Variants in LIN7A observed in about 807,000 individuals in gnomAD.
The protein encoded by LIN7A is protein lin-7 homolog A.
Under a neutral mutation model 29.8 loss-of-function variants are expected in LIN7A, and 25 were observed. That is an observed-to-expected ratio of 0.84 (90% CI 0.61 to 1.17). The LOEUF is 1.17. Ranked by LOEUF, LIN7A falls within the 50% of genes most tolerant of loss-of-function variation. The probability of loss-of-function intolerance (pLI) is 0.00; values close to 1 mark genes in which losing one functional copy is unlikely to be tolerated. For missense variants in LIN7A, 239 were observed against 287.0 expected (o/e 0.83, Z 1.21); for synonymous variants, 118 against 107.5 (o/e 1.10, Z -0.60).
chr12:80,796,662 A>C lies in LIN7A; in HGVS notation c.*1065T>G, dbSNP rs1341953285. 1 of 152,142 alleles carries C rather than the reference A, an allele frequency of 6.6e-6. No individual in the cohort carries two copies. The highest frequency in any genetic ancestry group is 1.5e-5 in the Non-Finnish European group (1 of 68,000). The allele number at this position is 152,142 out of a possible 1,614,324, so 9.4% of individuals were successfully genotyped here. ...AAAAATATCTGGTTTATATTTGGGGAAATTGACCTAAACTTTGTGTGACAC... is the reference window on the plus strand; with the variant it reads ...AAAAATATCTGGTTTATATTTGGGGCAATTGACCTAAACTTTGTGTGACAC... On this transcript the variant is annotated 3_prime_UTR_variant, in exon 6 of 6. Transcript: ENST00000552864.
chr12:80,817,616 A>T (rs577262681), intron 4 of LIN7A, among the ~76,000 whole-genome samples: 2 of 152,194 alleles, frequency 1.3e-5, no homozygotes, highest in Non-Finnish European at 2.9e-5. Flanking sequence ...AGTAAAGGAC[A>T]TCAAGGGTAT....
chr12:80,813,213 A>C (rs548399327), intron 4 of LIN7A, among the ~76,000 whole-genome samples: 2 of 152,142 alleles, frequency 1.3e-5, no homozygotes, highest in African/African-American at 4.8e-5. Context: ...GGGTTTCACC[A>C]TGTTAGCCAG....
At chr12:80,895,219 T>A (rs1414242970) in intron 1 of LIN7A, among the ~76,000 whole-genome samples, 1 of 152,198 alleles carries the variant, frequency 6.6e-6, no homozygotes, top group African/African-American at 2.4e-5. Context: ...TGCCTGATAG[T>A]AAAGTGCCAC....
chr12:80,899,081 G>C (rs1239832897), intron 1 of LIN7A, among the ~76,000 whole-genome samples: 2 of 152,088 alleles, frequency 1.3e-5, no homozygotes, highest in Non-Finnish European at 2.9e-5. Context: ...AATGCTTCCA[G>C]CTTTTTCCCA....
intron 4 of LIN7A, among the ~76,000 whole-genome samples, chr12:80,826,445 C>T (rs1449046870): frequency 2.0e-5 from 3 of 152,124 alleles, no homozygotes; most frequent in African/African-American, 7.2e-5. Context: ...CTCATCCTCT[C>T]CTCCCTCTTA....
At chr12:80,905,136 AT>A (rs1372616068) in intron 1 of LIN7A, among the ~76,000 whole-genome samples, 7 of 151,678 alleles carry the variant, frequency 4.6e-5, no homozygotes, top group Non-Finnish European at 8.8e-5. Context: ...CTACCATTTA[AT>A]TTTGATATCT....
intron 2 of LIN7A, among the ~76,000 whole-genome samples, chr12:80,865,684 A>G (rs1360765850): frequency 6.6e-6 from 1 of 152,226 alleles, no homozygotes. Context: ...GTGAGAAAGG[A>G]CAGGCAGCTT....
At chr12:80,876,418 C>T (rs1874705361) in intron 2 of LIN7A, among the ~76,000 whole-genome samples, 1 of 151,906 alleles carries the variant, frequency 6.6e-6, no homozygotes, top group Non-Finnish European at 1.5e-5. Context: ...ATATTTTAAA[C>T]AAGAGCAATG....
At position 80,937,879 on chromosome 12, in the gene LIN7A, C is replaced by A; in HGVS notation, c.-157G>T. The A allele has an allele frequency of 2.0e-6, 1 of 498,516 alleles. No homozygotes were observed. The highest frequency in any genetic ancestry group is 3.8e-5 in the South Asian group (1 of 26,488). 30.9% of individuals were successfully genotyped at this position (498,516 alleles called of 1,614,324 possible). On this transcript the variant is annotated 5_prime_UTR_variant, in exon 1 of 6. Transcript: ENST00000552864. Reference sequence around the variant, plus strand: ...TAGCCAGATGGAGACGCAACTGTTCCGCGGCGGCAGATCTTCAGTTGCGGT... The same window carrying A: ...TAGCCAGATGGAGACGCAACTGTTCAGCGGCGGCAGATCTTCAGTTGCGGT...
intron 1 of LIN7A, among the ~76,000 whole-genome samples, chr12:80,896,547 A>G (rs2120698093): frequency 6.6e-6 from 1 of 152,324 alleles, no homozygotes; most frequent in Non-Finnish European, 1.5e-5. Flanking sequence ...GATGTGTCCT[A>G]CTCATCTGAC....
At chr12:80,799,729 CAA>C (rs1294116584) in intron 5 of LIN7A, among the ~76,000 whole-genome samples, 1 of 151,732 alleles carries the variant, frequency 6.6e-6, no homozygotes, top group Admixed American at 6.6e-5. Context: ...CAGAAGAAAA[CAA>C]ATAATAAACA....
chr12:80,907,663 G>A (rs549818021), intron 1 of LIN7A, among the ~76,000 whole-genome samples: 123 of 152,174 alleles, frequency 8.1e-4, no homozygotes, highest in African/African-American at 2.9e-3. Context: ...ACAAAAAAAG[G>A]CTATGGAAAA....
chr12:80,855,817 T>C (rs1225724721), intron 2 of LIN7A, among the ~76,000 whole-genome samples: 6 of 152,178 alleles, frequency 3.9e-5, no homozygotes, highest in Non-Finnish European at 8.8e-5. Context: ...TTTGGTCTGC[T>C]TGTTTTAGGA....
intron 2 of LIN7A, among the ~76,000 whole-genome samples, chr12:80,851,870 C>T (rs1248447333): frequency 6.6e-6 from 1 of 152,090 alleles, no homozygotes; most frequent in South Asian, 2.1e-4. Context: ...ATTTCCTAAC[C>T]TTGAATAAAT....
intron 3 of LIN7A, among the ~76,000 whole-genome samples, chr12:80,846,276 C>G (rs1298930398): frequency 6.6e-6 from 1 of 152,126 alleles, no homozygotes; most frequent in Non-Finnish European, 1.5e-5. Flanking sequence ...GTACTATCTA[C>G]TATTATAATT....
intron 4 of LIN7A, among the ~76,000 whole-genome samples, chr12:80,815,771 G>A (rs1167785535): frequency 6.6e-6 from 1 of 152,078 alleles, no homozygotes; most frequent in Non-Finnish European, 1.5e-5. Flanking sequence ...TTATCCCCTT[G>A]CTTTAAGAGT....
chr12:80,919,364 T>C (rs1213056843), intron 1 of LIN7A, among the ~76,000 whole-genome samples: 1 of 152,170 alleles, frequency 6.6e-6, no homozygotes, highest in Non-Finnish European at 1.5e-5. Flanking sequence ...CCCTGACCTG[T>C]GGGAGAGCTT....
chr12:80,844,128 A>C (rs1872949974), intron 4 of LIN7A, among the ~76,000 whole-genome samples: 1 of 152,094 alleles, frequency 6.6e-6, no homozygotes, highest in Admixed American at 6.6e-5. Flanking sequence ...CTGGGGCATA[A>C]GCCTCTATGT....
chr12:80,865,915 C>T (rs1051908017), intron 2 of LIN7A, among the ~76,000 whole-genome samples: 8 of 152,154 alleles, frequency 5.3e-5, no homozygotes, highest in Non-Finnish European at 1.0e-4. Context: ...GTTTAAATCA[C>T]TATGGGCCAT....
Sources: gnomAD v4.1 joint callset for allele counts (sites outside exome capture counted in the v4.1 genomes callset) on GRCh38, gnomAD v4.1.1 for gene constraint, MANE v1.5 for transcripts, NCBI Gene and HGNC (gene_info 2026-07-23, HGNC 2026-07-21) for gene names.